Variants in SGIP1 observed in about 807,000 individuals in gnomAD.
The protein encoded by SGIP1 is SH3-containing GRB2-like protein 3-interacting protein 1.
In SGIP1, 38 loss-of-function variants were observed where a neutral mutation model predicts 107.5. The ratio of observed to expected loss-of-function variants is 0.35; its 90% confidence interval spans 0.27 to 0.46. The LOEUF (loss-of-function observed/expected upper bound fraction) is 0.46, where lower values mean the gene tolerates loss of function less well. Among genes scored for constraint, SGIP1 ranks in the 20% least tolerant of loss-of-function variants. The pLI is 1.00. For synonymous variants in SGIP1, 365 were observed against 366.1 expected, an observed-to-expected ratio of 1.00 and a Z score of 0.03; for missense variants, 929 against 1,019.5, an observed-to-expected ratio of 0.91 and a Z score of 1.21.
intron 1 of SGIP1, among the ~76,000 whole-genome samples, chr1:66,542,615 AG>A (rs1483877938): frequency 1.3e-5 from 2 of 152,350 alleles, no homozygotes; most frequent in African/African-American, 4.8e-5. Flanking sequence ...AGGATGGAGT[AG>A]GATGGCACGA....
intron 1 of SGIP1, among the ~76,000 whole-genome samples, chr1:66,605,898 T>TTTCGA (rs1217186012): frequency 3.9e-5 from 6 of 152,072 alleles, no homozygotes; most frequent in Non-Finnish European, 7.4e-5. Flanking sequence ...CCAGGTAAAG[T>TTTCGA]TTCGATTGCT....
intron 1 of SGIP1, among the ~76,000 whole-genome samples, chr1:66,561,364 G>A (rs2058922422): frequency 6.6e-6 from 1 of 151,924 alleles, no homozygotes; most frequent in South Asian, 2.1e-4. Flanking sequence ...TAAATGACTT[G>A]TTCACAATCT....
chr1:66,672,816 G>T (rs749944085), intron 11 of SGIP1, among the ~76,000 whole-genome samples: 5 of 151,960 alleles, frequency 3.3e-5, no homozygotes, highest in African/African-American at 4.8e-5. Context: ...AAACTTCTCG[G>T]TGGCTTTTTA....
intron 18 of SGIP1, among the ~76,000 whole-genome samples, chr1:66,703,315 A>C (rs1252780023): frequency 6.6e-6 from 1 of 152,192 alleles, no homozygotes; most frequent in Non-Finnish European, 1.5e-5. Context: ...ATGTTCTAGT[A>C]GGGTGATGGA....
At chr1:66,625,088 G>C (rs1328648220) in intron 1 of SGIP1, among the ~76,000 whole-genome samples, 1 of 152,182 alleles carries the variant, frequency 6.6e-6, no homozygotes, top group Non-Finnish European at 1.5e-5. Context: ...GGGACTAATA[G>C]GTGATACCAT....
At chr1:66,641,050 C>T (rs1393051441) in intron 5 of SGIP1, among the ~76,000 whole-genome samples, 1 of 151,692 alleles carries the variant, frequency 6.6e-6, no homozygotes, top group Non-Finnish European at 1.5e-5. Flanking sequence ...AAAAAGAAGT[C>T]AAATACATAG....
Position 66,671,937 on chromosome 1 carries a change from G to C in SGIP1, c.509-7G>C, listed in dbSNP as rs752633919. The C allele has an allele frequency of 6.2e-7, 1 of 1,613,924 alleles. No homozygotes were observed. Among genetic ancestry groups the C allele is most frequent in the South Asian group, 1.1e-5 (1 of 91,062 alleles). The stretch of plus-strand genomic sequence containing the variant: ...TGTCTAAAAAGTTCCTTTGTCCTGT[G>C]CATCAGGTGAAGAAGTGGCAAGACC... On this transcript the variant is annotated splice_region_variant and splice_polypyrimidine_tract_variant and intron_variant, in intron 10 of 24. Transcript: ENST00000371037.
At chr1:66,643,246 G>C (rs1348495335) in intron 6 of SGIP1, among the ~76,000 whole-genome samples, 1 of 152,156 alleles carries the variant, frequency 6.6e-6, no homozygotes, top group Non-Finnish European at 1.5e-5. Context: ...TCCTCTCTCT[G>C]TAGATGAGTA....
intron 9 of SGIP1, among the ~76,000 whole-genome samples, chr1:66,670,408 G>A (rs1419057380): frequency 1.3e-5 from 2 of 152,206 alleles, no homozygotes; most frequent in African/African-American, 2.4e-5. Flanking sequence ...CTAGTGGCAG[G>A]CAAGTGAAAT....
rs564394370 is a variant in SGIP1, at chr1:66,594,041, G to A, written c.11-31806G>A. On this transcript the variant is annotated intron_variant, in intron 1 of 24. Transcript: ENST00000371037. Reference sequence around the variant, plus strand: ...TTCATGGTTAACCAATAACAAGAGTGTGTTTTTCTTTCTTCACAACTTAAA... The same window carrying A: ...TTCATGGTTAACCAATAACAAGAGTATGTTTTTCTTTCTTCACAACTTAAA... Among the ~76,000 whole-genome samples, 44 of 152,240 alleles carry A rather than the reference G, an allele frequency of 2.9e-4. No homozygotes were observed. In the South Asian group the frequency reaches 8.1e-3, roughly 28 times the overall value.
At chr1:66,696,039 G>A (rs1000866178) in intron 18 of SGIP1, among the ~76,000 whole-genome samples, 10 of 152,148 alleles carry the variant, frequency 6.6e-5, no homozygotes, top group East Asian at 1.9e-4. Context: ...TTTGTTCTGC[G>A]TCTCCTGAAA....
intron 18 of SGIP1, among the ~76,000 whole-genome samples, chr1:66,714,900 C>T (rs1310404099): frequency 6.6e-6 from 1 of 152,078 alleles, no homozygotes; most frequent in East Asian, 1.9e-4. Context: ...TTATCTTGGA[C>T]ACTTTTCTGG....
intron 9 of SGIP1, among the ~76,000 whole-genome samples, chr1:66,670,724 T>G (rs2083569200): frequency 6.6e-6 from 1 of 152,208 alleles, no homozygotes; most frequent in African/African-American, 2.4e-5. Flanking sequence ...TATTTGAATT[T>G]AATTTACCAA....
chr1:66,607,424 C>A (rs1421182109), intron 1 of SGIP1, among the ~76,000 whole-genome samples: 2 of 152,178 alleles, frequency 1.3e-5, no homozygotes, highest in Non-Finnish European at 2.9e-5. Flanking sequence ...TGTGGCCCAC[C>A]ATTGGCCACT....
intron 17 of SGIP1, chr1:66,694,864 C>A (rs1158901566): frequency 4.1e-6 from 1 of 241,768 alleles, no homozygotes; most frequent in Non-Finnish European, 7.8e-6. Context: ...ATCTTGTTTT[C>A]TCTTTGATAC....
intron 3 of SGIP1, among the ~76,000 whole-genome samples, 180 bp from the exon 4 acceptor site, chr1:66,635,764 G>T (rs1006488281): frequency 6.6e-6 from 1 of 151,988 alleles, no homozygotes; most frequent in African/African-American, 2.4e-5. Flanking sequence ...CCTCATTATG[G>T]GCCCCAAAGT....
At chr1:66,634,212 C>A (rs2075357205) in intron 3 of SGIP1, 3 of 1,469,206 alleles carry the variant, frequency 2.0e-6, no homozygotes, top group Non-Finnish European at 2.8e-6. Flanking sequence ...TGGTCCCCTC[C>A]CTGGGTTCTC....
intron 1 of SGIP1, among the ~76,000 whole-genome samples, chr1:66,556,684 C>T (rs1363399263): frequency 1.3e-5 from 2 of 151,700 alleles, no homozygotes; most frequent in Non-Finnish European, 2.9e-5. Flanking sequence ...GCAAGGTGCC[C>T]TACTTCTGAT....
At chr1:66,620,318 A>T (rs549139715) in intron 1 of SGIP1, among the ~76,000 whole-genome samples, 22 of 152,254 alleles carry the variant, frequency 1.4e-4, no homozygotes, top group Middle Eastern at 6.8e-3. Flanking sequence ...AAAGTTTTTT[A>T]AAAAAATGTC....
Sources: allele counts gnomAD v4.1 joint callset (sites outside exome capture counted in the v4.1 genomes callset), GRCh38; gene constraint gnomAD v4.1.1; transcripts MANE v1.5; gene names NCBI Gene and HGNC (gene_info 2026-07-23, HGNC 2026-07-21).